The following MAP4K3 variants were observed in gnomAD, a reference collection of about 807,000 sequenced individuals.
MAP4K3 encodes the protein MAPK/ERK kinase kinase kinase 3.
Under a neutral mutation model 143.5 loss-of-function variants are expected in MAP4K3, and 94 were observed. The ratio of observed to expected loss-of-function variants is 0.65; its 90% CI spans 0.55 to 0.78. MAP4K3 has a LOEUF of 0.78. Among genes scored for constraint, MAP4K3 ranks in the 30% least tolerant of loss-of-function variants. The pLI is 0.00. For missense variants in MAP4K3, 1,077 were observed against 1,068.1 expected, an observed-to-expected ratio of 1.01 and a Z score of -0.12; for synonymous variants, 416 against 347.2, an observed-to-expected ratio of 1.20 and a Z score of -2.20.
At chr2:39,338,038 C>T (rs1282336522) in intron 4 of MAP4K3, among the ~76,000 whole-genome samples, 1 of 152,048 alleles carries the variant, frequency 6.6e-6, no homozygotes, top group East Asian at 1.9e-4. Flanking sequence ...GCTGGAATTA[C>T]AGGTGTGAGC....
chr2:39,393,370 T>C (rs1005849456), intron 1 of MAP4K3, among the ~76,000 whole-genome samples: 1 of 152,192 alleles, frequency 6.6e-6, no homozygotes, highest in Non-Finnish European at 1.5e-5. Context: ...GCCTTTTACT[T>C]AAGATAATTT....
chr2:39,334,551 G>A (rs1683797406), intron 6 of MAP4K3, among the ~76,000 whole-genome samples: 1 of 152,170 alleles, frequency 6.6e-6, no homozygotes, highest in Admixed American at 6.5e-5. Context: ...GGAGAAAAAG[G>A]AAAGAGACTA....
Position 39,343,566 on chromosome 2 carries a change from G to A in MAP4K3, c.246-114C>T, listed in dbSNP as rs562336754. Reference sequence around the variant, plus strand: ...CACTGAAAAACAACAAATGCAATGTGTTATCTTTAAAATAACTAATTAATC... The same window carrying A: ...CACTGAAAAACAACAAATGCAATGTATTATCTTTAAAATAACTAATTAATC... On this transcript the variant is annotated intron_variant, in intron 3 of 33. Transcript: ENST00000263881. 2.8e-4 allele frequency: 200 copies of A among 714,060 alleles called. 4 individuals carry two copies. In the East Asian group the frequency reaches 5.2e-3, roughly 19 times the overall value. 44.2% of individuals were successfully genotyped at this position (714,060 alleles called of 1,614,324 possible). A position where few individuals can be genotyped will look rare whatever the true frequency, so the allele number is the denominator to read the frequency against.
chr2:39,322,592 A>ATGTGTGCG (rs1683344262), intron 12 of MAP4K3, among the ~76,000 whole-genome samples: 1 of 144,720 alleles, frequency 6.9e-6, no homozygotes. Flanking sequence ...GATGTGGTAT[A>ATGTGTGCG]TGTGTGTGTG....
intron 26 of MAP4K3, among the ~76,000 whole-genome samples, chr2:39,268,321 A>C (rs1680855809): frequency 6.6e-6 from 1 of 152,122 alleles, no homozygotes; most frequent in Non-Finnish European, 1.5e-5. Flanking sequence ...TTTTATTATT[A>C]AATTTTATTT....
chr2:39,292,715 G>T, intron 18 of MAP4K3, 58 bp downstream of exon 18: 1 of 1,364,544 alleles, frequency 7.3e-7, no homozygotes, highest in Non-Finnish European at 1.0e-6. Context: ...CTGCCAGATT[G>T]ATGAAATCAG....
At chr2:39,279,505 C>A (rs1263850169) in intron 23 of MAP4K3, among the ~76,000 whole-genome samples, 2 of 152,154 alleles carry the variant, frequency 1.3e-5, no homozygotes, top group Non-Finnish European at 2.9e-5. Context: ...TATTAAGAAT[C>A]AGATATACAG....
rs558422352 is a variant in MAP4K3, at chr2:39,377,943, C to T, written c.154+123G>A. On this transcript the variant is annotated intron_variant, in intron 2 of 33. Coordinates refer to ENST00000263881, the MANE Select transcript of MAP4K3 (RefSeq NM_003618.4). ...AGAAGTGGAGGAAAGGGCATACAAG[C>T]AGCTCTATTTATCCCAGATGTTGGG... The T allele has an allele frequency of 3.5e-5, 23 of 662,560 alleles. No individual in the cohort carries two copies. In the South Asian group the frequency reaches 3.9e-4, roughly 11 times the overall value. 41.0% of individuals were successfully genotyped at this position (662,560 alleles called of 1,614,324 possible).
chr2:39,264,677 T>C (rs1680699679), intron 28 of MAP4K3, among the ~76,000 whole-genome samples: 2 of 152,220 alleles, frequency 1.3e-5, no homozygotes, highest in Non-Finnish European at 2.9e-5. Context: ...AAAGTTAGTT[T>C]TTCCTTAAAT....
intron 1 of MAP4K3, among the ~76,000 whole-genome samples, chr2:39,434,993 T>C (rs996712453): frequency 6.6e-6 from 1 of 152,212 alleles, no homozygotes; most frequent in Non-Finnish European, 1.5e-5. Context: ...CTGTTCTTTT[T>C]AATATAGCAA....
At chr2:39,336,249 G>A (rs1012946520) in intron 6 of MAP4K3, among the ~76,000 whole-genome samples, 5 of 152,016 alleles carry the variant, frequency 3.3e-5, no homozygotes, top group Admixed American at 6.6e-5. Flanking sequence ...GAGGTGGGAT[G>A]ATCACCTGAG....
intron 12 of MAP4K3, among the ~76,000 whole-genome samples, chr2:39,319,060 T>G (rs908238483): frequency 6.6e-6 from 1 of 152,060 alleles, no homozygotes; most frequent in Admixed American, 6.6e-5. Flanking sequence ...CTGCTAAACA[T>G]TCTAGAATGC....
chr2:39,252,545 C>G (rs1416221312), intron 32 of MAP4K3, among the ~76,000 whole-genome samples: 2 of 152,160 alleles, frequency 1.3e-5, no homozygotes, highest in Non-Finnish European at 2.9e-5. Flanking sequence ...ACCATATATC[C>G]TTCAAGAAGT....
chr2:39,378,387 T>C (rs1399985859), intron 1 of MAP4K3, among the ~76,000 whole-genome samples: 1 of 152,204 alleles, frequency 6.6e-6, no homozygotes, highest in African/African-American at 2.4e-5. Context: ...TGTTTTAATA[T>C]TAATTCATTT....
intron 21 of MAP4K3, among the ~76,000 whole-genome samples, chr2:39,286,073 T>C (rs992539063): frequency 2.6e-5 from 4 of 152,210 alleles, no homozygotes; most frequent in Admixed American, 2.6e-4. Flanking sequence ...CTAACAGTGG[T>C]TCCCCAACCT....
At chr2:39,364,801 G>C (rs1665873177) in intron 2 of MAP4K3, among the ~76,000 whole-genome samples, 1 of 150,008 alleles carries the variant, frequency 6.7e-6, no homozygotes, top group Non-Finnish European at 1.5e-5. Flanking sequence ...CCAGGAGGCA[G>C]AGCTTGCAGT....
intron 27 of MAP4K3, 75 bp from the exon 28 acceptor site, chr2:39,265,381 A>T (rs1680726490): frequency 1.1e-6 from 1 of 916,326 alleles, no homozygotes; most frequent in Non-Finnish European, 1.8e-6. Context: ...GCTCAAAAAA[A>T]CAAACAAAAC....
At chr2:39,435,228 T>C (rs888789190) in intron 1 of MAP4K3, among the ~76,000 whole-genome samples, 1 of 151,780 alleles carries the variant, frequency 6.6e-6, no homozygotes, top group African/African-American at 2.4e-5. Flanking sequence ...AACTGCTCCA[T>C]TCCACTCTTC....
intron 22 of MAP4K3, among the ~76,000 whole-genome samples, chr2:39,280,690 A>C (rs565041137): frequency 6.6e-6 from 1 of 152,186 alleles, no homozygotes; most frequent in Non-Finnish European, 1.5e-5. Flanking sequence ...AGAGCAATAC[A>C]ATAGTCTCTG....
Sources: gnomAD v4.1 joint callset for allele counts (sites outside exome capture counted in the v4.1 genomes callset) on GRCh38, gnomAD v4.1.1 for gene constraint, MANE v1.5 for transcripts, NCBI Gene and HGNC (gene_info 2026-07-23, HGNC 2026-07-21) for gene names.